TBC1D19: variants seen among roughly 807,000 people sequenced by gnomAD.
The protein encoded by TBC1D19 is TBC1 domain family member 19, also known as TBC1 domain family, member 19.
Under a neutral mutation model 89.0 loss-of-function variants are expected in TBC1D19, and 60 were observed. That is an observed-to-expected ratio of 0.67 (90% confidence interval 0.55 to 0.84). The LOEUF is 0.84. TBC1D19 is among the 40% of genes least tolerant of loss of function. The pLI, the probability that TBC1D19 is intolerant of heterozygous loss-of-function variation, is 0.00. For missense variants in TBC1D19, 500 were observed against 610.8 expected (o/e 0.82, Z 1.91); for synonymous variants, 189 against 199.7 (o/e 0.95, Z 0.45).
At chr4:26,695,049 C>G (rs991927098) in intron 13 of TBC1D19, among the ~76,000 whole-genome samples, 1 of 152,194 alleles carries the variant, frequency 6.6e-6, no homozygotes, top group African/African-American at 2.4e-5. Context: ...TGGAGAATGA[C>G]TTTGACGAGT....
At chr4:26,823,465 A>T in the TBC1D19 span, among the ~76,000 whole-genome samples, 2 of 152,200 alleles carry the variant, frequency 1.3e-5, no homozygotes, top group Non-Finnish European at 2.9e-5. Context: ...TCTGTGGAAG[A>T]TACACAGAAG....
At chr4:26,740,058 A>C in intron 17 of TBC1D19, 85 bp downstream of exon 17, 1 of 788,180 alleles carries the variant, frequency 1.3e-6, no homozygotes, top group Non-Finnish European at 1.9e-6. Context: ...TTCTACTCAA[A>C]TTCTAACGCA....
chr4:26,579,662 C>G, upstream of TBC1D19, among the ~76,000 whole-genome samples: 1 of 136,686 alleles, frequency 7.3e-6, no homozygotes, highest in African/African-American at 2.7e-5. Context: ...CCTCCCCTAA[C>G]CCCCAACCCC....
the TBC1D19 span, among the ~76,000 whole-genome samples, chr4:26,796,014 T>G: frequency 6.6e-6 from 1 of 152,208 alleles, no homozygotes; most frequent in African/African-American, 2.4e-5. Context: ...CTGTACACAT[T>G]GAATCTTGCT....
intron 13 of TBC1D19, among the ~76,000 whole-genome samples, chr4:26,688,662 A>G (rs4583745): frequency 0.055 from 8,318 of 152,162 alleles, 806 homozygotes; most frequent in African/African-American, 0.19. Flanking sequence ...TAAGTTTTCT[A>G]TCTTTGTTAT....
At chr4:26,764,866 T>C in the TBC1D19 span, among the ~76,000 whole-genome samples, 12 of 152,182 alleles carry the variant, frequency 7.9e-5, no homozygotes, top group Admixed American at 5.2e-4. Flanking sequence ...TTAATATTGG[T>C]AGTCAGAATG....
the TBC1D19 span, among the ~76,000 whole-genome samples, chr4:26,800,793 C>T: frequency 2.0e-5 from 3 of 152,076 alleles, no homozygotes; most frequent in African/African-American, 7.2e-5. Context: ...TTTTTGGCTG[C>T]CTAAATATCT....
chr4:26,708,308 C>T (rs1715891423), intron 13 of TBC1D19, among the ~76,000 whole-genome samples: 1 of 152,028 alleles, frequency 6.6e-6, no homozygotes, highest in Non-Finnish European at 1.5e-5. Flanking sequence ...TTGTGGTCCT[C>T]AAGTTTCTGA....
chr4:26,594,711 T>C (rs1164410022), intron 1 of TBC1D19, among the ~76,000 whole-genome samples: 2 of 152,214 alleles, frequency 1.3e-5, no homozygotes, highest in Non-Finnish European at 2.9e-5. Flanking sequence ...CTAACGTAAC[T>C]TAACTCTTTG....
At chr4:26,831,991 G>A in the TBC1D19 span, among the ~76,000 whole-genome samples, 2 of 152,098 alleles carry the variant, frequency 1.3e-5, no homozygotes, top group South Asian at 4.1e-4. Context: ...AAGCTGCTTT[G>A]CAAAAACAAA....
At chr4:26,791,555 G>A in the TBC1D19 span, among the ~76,000 whole-genome samples, 1 of 152,230 alleles carries the variant, frequency 6.6e-6, no homozygotes, top group Non-Finnish European at 1.5e-5. Flanking sequence ...CAGGAGACCA[G>A]TTGGGAGCCC....
At chr4:26,808,882 T>C in the TBC1D19 span, among the ~76,000 whole-genome samples, 17 of 152,180 alleles carry the variant, frequency 1.1e-4, no homozygotes, top group Non-Finnish European at 2.9e-5. Context: ...TGAGCAGCAT[T>C]GACTTGCTGT....
intron 4 of TBC1D19, among the ~76,000 whole-genome samples, chr4:26,636,608 A>G (rs1458225271): frequency 6.6e-6 from 1 of 151,992 alleles, no homozygotes; most frequent in Non-Finnish European, 1.5e-5. Context: ...ATTTTAAAAA[A>G]CTATAAAAGA....
rs147623002 is a variant in TBC1D19, at chr4:26,616,662, G to A, written c.218+2209G>A. 1.3e-4 allele frequency among the ~76,000 whole-genome samples: 20 copies of A among 152,220 alleles called. No homozygotes were observed. The East Asian group carries it at 3.9e-3, about 29-fold the overall frequency. On this transcript the variant is annotated intron_variant, in intron 3 of 20. Coordinates refer to ENST00000264866, the MANE Select transcript of TBC1D19 (RefSeq NM_018317.4). ...ATACAGACTATACAGACTGAAAACA[G>A]CACACTTCGTTTTACTTGTTTTAGT...
chr4:26,692,952 G>C (rs1577941745), intron 13 of TBC1D19, among the ~76,000 whole-genome samples: 1 of 152,024 alleles, frequency 6.6e-6, no homozygotes, highest in Non-Finnish European at 1.5e-5. Context: ...CAGAGATCAG[G>C]GGAAGAGACA....
chr4:26,803,430 A>C, the TBC1D19 span, among the ~76,000 whole-genome samples: 6 of 152,204 alleles, frequency 3.9e-5, no homozygotes, highest in Non-Finnish European at 8.8e-5. Context: ...AACCATTCCC[A>C]GATAAATATA....
chr4:26,823,268 T>C, the TBC1D19 span, among the ~76,000 whole-genome samples: 1 of 152,120 alleles, frequency 6.6e-6, no homozygotes, highest in Non-Finnish European at 1.5e-5. Context: ...CCTGCCCCCA[T>C]GATTCAATTA....
At chr4:26,674,516 T>C (rs1352662072) in intron 11 of TBC1D19, among the ~76,000 whole-genome samples, 1 of 152,048 alleles carries the variant, frequency 6.6e-6, no homozygotes, top group East Asian at 1.9e-4. Flanking sequence ...GTTATCCATT[T>C]AAAAAATTTT....
At chr4:26,659,165 A>C (rs1202167635) in intron 7 of TBC1D19, among the ~76,000 whole-genome samples, 1 of 152,062 alleles carries the variant, frequency 6.6e-6, no homozygotes, top group African/African-American at 2.4e-5. Context: ...TTACTTCATC[A>C]TCTTTCTACA....
Sources: allele counts gnomAD v4.1 joint callset (sites outside exome capture counted in the v4.1 genomes callset), GRCh38; gene constraint gnomAD v4.1.1; transcripts MANE v1.5; gene names NCBI Gene and HGNC (gene_info 2026-07-23, HGNC 2026-07-21).